LARGE1: variants seen among roughly 807,000 people sequenced by gnomAD.
LARGE1 encodes xylosyl- and glucuronyltransferase LARGE1.
A neutral mutation model predicts 87.6 loss-of-function variants in LARGE1; 43 were observed. The ratio of observed to expected loss-of-function variants is 0.49; its 90% CI spans 0.38 to 0.63. The LOEUF (loss-of-function observed/expected upper bound fraction) is 0.63, where lower values mean the gene tolerates loss of function less well. Among genes scored for constraint, LARGE1 ranks in the 30% least tolerant of loss-of-function variants. LARGE1 has a pLI of 0.00. For missense variants in LARGE1, 802 were observed against 1,000.2 expected (o/e 0.80, Z 2.67); for synonymous variants, 434 against 394.6 (o/e 1.10, Z -1.18).
chr22:33,088,399 T>C, the LARGE1 span, among the ~76,000 whole-genome samples: 2 of 152,204 alleles, frequency 1.3e-5, no homozygotes, highest in East Asian at 1.9e-4. Context: ...ATACTCCACA[T>C]ATTTGCTGTG....
chr22:33,734,995 A>G (rs934139729), intron 2 of LARGE1, among the ~76,000 whole-genome samples: 3 of 152,222 alleles, frequency 2.0e-5, no homozygotes, highest in African/African-American at 7.2e-5. Context: ...CTGCCAGCCC[A>G]AAATATGTCA....
chr22:33,302,739 A>C (rs1469662806), intron 12 of LARGE1, among the ~76,000 whole-genome samples: 10 of 151,976 alleles, frequency 6.6e-5, no homozygotes, highest in Non-Finnish European at 1.5e-5. Flanking sequence ...ACAAACAGAA[A>C]CCCCAGCGCA....
chr22:33,658,078 T>C (rs1423169795), intron 2 of LARGE1, among the ~76,000 whole-genome samples: 2 of 151,446 alleles, frequency 1.3e-5, no homozygotes, highest in African/African-American at 4.8e-5. Flanking sequence ...ATGTCTCCTA[T>C]TCAACACCCT....
downstream of LARGE1, among the ~76,000 whole-genome samples, chr22:33,158,643 T>C (rs1921936001): frequency 6.6e-6 from 1 of 152,316 alleles, no homozygotes; most frequent in African/African-American, 2.4e-5. Context: ...TGTAGGTAAC[T>C]GTAATCACTG....
At chr22:33,851,806 G>A (rs2267306) in intron 1 of LARGE1, among the ~76,000 whole-genome samples, 58,419 of 152,056 alleles carry the variant, frequency 0.38, 11,475 homozygotes, top group Non-Finnish European at 0.44. Flanking sequence ...TTATGATGAC[G>A]TAGCTTCCTA....
At chr22:33,276,940 C>T in intron 14 of LARGE1, 120 bp downstream of exon 14, 1 of 969,668 alleles carries the variant, frequency 1.0e-6, no homozygotes, top group Non-Finnish European at 1.6e-6. Flanking sequence ...ACCACTGGTC[C>T]TCAAGCATAT....
chr22:33,539,416 T>C (rs754769979), intron 6 of LARGE1, among the ~76,000 whole-genome samples: 18 of 152,278 alleles, frequency 1.2e-4, no homozygotes, highest in Middle Eastern at 3.4e-3. Context: ...GCCAGTGGGA[T>C]TCCACATAGG....
chr22:33,303,691 G>A (rs976183675), intron 12 of LARGE1, among the ~76,000 whole-genome samples: 14 of 151,926 alleles, frequency 9.2e-5, no homozygotes, highest in Admixed American at 2.6e-4. Flanking sequence ...GAGCAATCTC[G>A]GCTCACTGCA....
At chr22:33,630,574 T>C (rs1240318077) in intron 3 of LARGE1, among the ~76,000 whole-genome samples, 2 of 152,104 alleles carry the variant, frequency 1.3e-5, no homozygotes, top group Non-Finnish European at 2.9e-5. Context: ...ATAGAAAAAG[T>C]ACAGTAAAAA....
chr22:33,388,274 C>G (rs924164516), intron 7 of LARGE1, among the ~76,000 whole-genome samples: 1 of 152,190 alleles, frequency 6.6e-6, no homozygotes, highest in Non-Finnish European at 1.5e-5. Context: ...AATAAATATC[C>G]TAATCTTGAT....
chr22:33,565,571 C>G (rs1046377427), intron 5 of LARGE1, among the ~76,000 whole-genome samples: 9 of 152,068 alleles, frequency 5.9e-5, no homozygotes, highest in African/African-American at 2.2e-4. Context: ...ATAAGAGGAC[C>G]TAGTCATCAC....
chr22:33,072,056 C>T, the LARGE1 span, among the ~76,000 whole-genome samples: 1 of 152,152 alleles, frequency 6.6e-6, no homozygotes, highest in Admixed American at 6.5e-5. Flanking sequence ...TACTGGACAC[C>T]AAGTGGGTTG....
At chr22:33,103,557 G>A in the LARGE1 span, among the ~76,000 whole-genome samples, 8 of 151,858 alleles carry the variant, frequency 5.3e-5, no homozygotes, top group Non-Finnish European at 1.0e-4. Context: ...TCAGAGATGT[G>A]CTCTTGCTGG....
At chr22:33,086,580 G>T in the LARGE1 span, among the ~76,000 whole-genome samples, 1 of 127,610 alleles carries the variant, frequency 7.8e-6, no homozygotes. Context: ...TTGAGACAGA[G>T]TCTCTCTCTG....
intron 11 of LARGE1, among the ~76,000 whole-genome samples, chr22:33,175,991 A>G (rs530537908): frequency 6.6e-6 from 1 of 152,336 alleles, no homozygotes; most frequent in South Asian, 2.1e-4. Context: ...GGCTGCAGAA[A>G]TAACACCACA....
intron 6 of LARGE1, among the ~76,000 whole-genome samples, chr22:33,525,888 G>C (rs2071866828): frequency 6.6e-6 from 1 of 152,200 alleles, no homozygotes; most frequent in Non-Finnish European, 1.5e-5. Flanking sequence ...TCCTCGAAAT[G>C]TTAAACATGG....
At position 33,604,450 on chromosome 22, in the gene LARGE1, A is replaced by G; in HGVS notation, c.600T>C (p.Asn200=). 6.2e-7 allele frequency: 1 copy of G among 1,614,100 alleles called. No homozygotes were observed. The highest frequency in any genetic ancestry group is 8.5e-7 in the Non-Finnish European group (1 of 1,179,986). The change falls in exon 5 of 15, where the codon AAT becomes AAC. Residue 200 remains asparagine, a synonymous_variant. Transcript: ENST00000397394. ...CTGCCCATACCTTGAGCTCGTCTGC[A>G]TTGTAGAAGTCCACACGCACAGCGG... ...MVPAVRVDFY[N]ADELKSEVSW...
At chr22:33,919,277 G>A (rs1017393814) in intron 1 of LARGE1, among the ~76,000 whole-genome samples, 1 of 152,168 alleles carries the variant, frequency 6.6e-6, no homozygotes, top group Non-Finnish European at 1.5e-5. Flanking sequence ...TTGTACAACT[G>A]AGGTTCCTTA....
At chr22:33,349,134 T>C (rs1400368704) in intron 9 of LARGE1, among the ~76,000 whole-genome samples, 1 of 152,164 alleles carries the variant, frequency 6.6e-6, no homozygotes, top group East Asian at 1.9e-4. Context: ...AGTATGAAGA[T>C]GGACGAATAC....
Sources: gnomAD v4.1 joint callset for allele counts (sites outside exome capture counted in the v4.1 genomes callset) on GRCh38, gnomAD v4.1.1 for gene constraint, MANE v1.5 for transcripts, NCBI Gene and HGNC (gene_info 2026-07-23, HGNC 2026-07-21) for gene names.